Variants in ARMC3 observed in about 807,000 individuals in gnomAD.
ARMC3 encodes the protein armadillo repeat-containing protein 3.
A neutral mutation model predicts 90.3 loss-of-function variants in ARMC3; 74 were observed. The ratio of observed to expected loss-of-function variants is 0.82; its 90% CI spans 0.68 to 0.99. The LOEUF is 0.99. Ranked by LOEUF, ARMC3 falls within the 50% of genes least tolerant of loss-of-function variation. The pLI is 0.00. For missense variants in ARMC3, 958 were observed against 1,042.8 expected (o/e 0.92, Z 1.12); for synonymous variants, 334 against 361.8 (o/e 0.92, Z 0.87).
At position 23,012,703 on chromosome 10, in the gene ARMC3, C is replaced by T. The variant is rs11013238; in HGVS notation, c.2045+3772C>T. On this transcript the variant is annotated intron_variant, in intron 16 of 18. Transcript: ENST00000298032. ...ATGGAATGACCAAGACAGTCCTATC[C>T]ACTCTATGTCTTAACTCTCCTACAT... Among the ~76,000 whole-genome samples, 1,236 of 152,230 alleles carry T rather than the reference C, an allele frequency of 8.1e-3. 21 individuals carry two copies. Among genetic ancestry groups the T allele is most frequent in the African/African-American group, 0.028 (1,171 of 41,514 alleles).
chr10:22,944,615 TA>T (rs901467745), intron 2 of ARMC3, among the ~76,000 whole-genome samples: 86 of 152,162 alleles, frequency 5.7e-4, no homozygotes, highest in African/African-American at 2.0e-3. Context: ...CTTTTCAGAT[TA>T]AAAAAAACCA....
At chr10:23,010,933 T>TCCTTTCCCTCCCCTCTCCTAC (rs1837979458) in intron 16 of ARMC3, among the ~76,000 whole-genome samples, 1 of 42,030 alleles carries the variant, frequency 2.4e-5, no homozygotes. Context: ...CCCTCCCCCT[T>TCCTTTCCCTCCCCTCTCCTAC]CCTTCCTTTC....
intron 2 of ARMC3, 75 bp downstream of exon 2, chr10:22,932,119 T>C (rs1833955207): frequency 7.4e-7 from 1 of 1,345,998 alleles, no homozygotes; most frequent in Admixed American, 2.2e-5. Context: ...CAGTTTGGCA[T>C]GTACCAGTAT....
At chr10:23,010,830 C>T (rs1265178913) in intron 16 of ARMC3, among the ~76,000 whole-genome samples, 1 of 108,084 alleles carries the variant, frequency 9.3e-6, no homozygotes, top group African/African-American at 4.4e-5. Context: ...CTTGCCTCTC[C>T]TCTCCTTCCC....
At chr10:22,956,046 C>T (rs1387085100) in intron 4 of ARMC3, 114 bp downstream of exon 4, 3 of 1,041,132 alleles carry the variant, frequency 2.9e-6, no homozygotes, top group Non-Finnish European at 4.0e-6. Flanking sequence ...CTTTCATGTT[C>T]ACAAAAACAT....
chr10:23,029,160 T>C (rs987966814), intron 16 of ARMC3, among the ~76,000 whole-genome samples: 5 of 152,148 alleles, frequency 3.3e-5, no homozygotes, highest in Non-Finnish European at 7.4e-5. Context: ...AAATTAAAAC[T>C]GGGGCTTTCC....
chr10:23,001,965 C>T lies in ARMC3; in HGVS notation c.1472C>T (p.Ser491Phe). The T allele has an allele frequency of 1.2e-6, 2 of 1,613,880 alleles. No homozygotes were observed. The highest frequency in any genetic ancestry group is 1.7e-6 in the Non-Finnish European group (2 of 1,179,838). The change falls in exon 12 of 19, where the codon TCC becomes TTC. Residue 491 changes from serine to phenylalanine, a missense_variant. Physicochemically the swap from Ser to Phe is radical, Grantham distance 155. Coordinates refer to ENST00000298032, the MANE Select transcript of ARMC3 (RefSeq NM_173081.5). The part of the protein sequence containing the change: ...GLEPLVELLR[S>F]KNDEVRKHAS... ...GAGCCCCTGGTAGAGCTGCTACGCT[C>T]CAAGAATGATGAAGTGAGGAAGCAC...
At chr10:23,003,888 C>G (rs532636470) in intron 13 of ARMC3, among the ~76,000 whole-genome samples, 2 of 152,226 alleles carry the variant, frequency 1.3e-5, no homozygotes, top group African/African-American at 4.8e-5. Context: ...CAGCTCATGC[C>G]TGTAATCCCA....
chr10:22,974,926 G>A (rs1380306730), intron 8 of ARMC3, among the ~76,000 whole-genome samples: 10 of 328 alleles, frequency 0.03, no homozygotes, highest in African/African-American at 0.093. Context: ...ATAGGCATGA[G>A]CCCCACCCTG....
At chr10:22,946,353 A>T in intron 3 of ARMC3, 92 bp downstream of exon 3, 1 of 788,776 alleles carries the variant, frequency 1.3e-6, no homozygotes, top group Non-Finnish European at 2.0e-6. Context: ...TCTTTAACTT[A>T]CTTGCTGTCG....
chr10:22,977,774 C>T (rs1302790422), intron 8 of ARMC3, among the ~76,000 whole-genome samples: 1 of 152,190 alleles, frequency 6.6e-6, no homozygotes, highest in Admixed American at 6.5e-5. Flanking sequence ...TTCTTGGAAC[C>T]TCTAGAAAGA....
intron 8 of ARMC3, among the ~76,000 whole-genome samples, chr10:22,978,336 G>A (rs753765262): frequency 1.6e-4 from 24 of 152,192 alleles, no homozygotes; most frequent in Non-Finnish European, 2.4e-4. Flanking sequence ...CAGGGTGGCA[G>A]GAGAGAGTGA....
intron 3 of ARMC3, among the ~76,000 whole-genome samples, chr10:22,947,540 A>G (rs1310473371): frequency 6.6e-6 from 1 of 152,222 alleles, no homozygotes; most frequent in Middle Eastern, 3.2e-3. Context: ...ATGGCTATCT[A>G]CAACAAGCAA....
intron 10 of ARMC3, among the ~76,000 whole-genome samples, chr10:22,994,273 T>C (rs1836852628): frequency 6.6e-6 from 1 of 152,034 alleles, no homozygotes; most frequent in African/African-American, 2.4e-5. Flanking sequence ...GGAAAGAGCC[T>C]GGCATATTGA....
intron 6 of ARMC3, chr10:22,960,537 C>T (rs1296329362): frequency 5.3e-5 from 8 of 152,160 alleles, no homozygotes; most frequent in African/African-American, 7.2e-5. Flanking sequence ...TTCCCTTCTC[C>T]GGTCACTTTG....
chr10:22,949,326 T>C (rs879526505), intron 3 of ARMC3, among the ~76,000 whole-genome samples: 9 of 152,106 alleles, frequency 5.9e-5, no homozygotes, highest in African/African-American at 9.7e-5. Flanking sequence ...GTAAATCAAA[T>C]TGACCTAGAT....
intron 7 of ARMC3, among the ~76,000 whole-genome samples, chr10:22,967,348 T>C (rs1341898244): frequency 6.6e-6 from 1 of 152,024 alleles, no homozygotes; most frequent in African/African-American, 2.4e-5. Context: ...TCATCACAGG[T>C]TTTCTCCTTG....
At chr10:23,034,054 A>G (rs1839029325) in intron 18 of ARMC3, among the ~76,000 whole-genome samples, 1 of 152,190 alleles carries the variant, frequency 6.6e-6, no homozygotes, top group African/African-American at 2.4e-5. Context: ...ACATCATTGC[A>G]TTCACATGCA....
At chr10:23,027,984 A>G (rs1416071722) in intron 16 of ARMC3, among the ~76,000 whole-genome samples, 1 of 152,190 alleles carries the variant, frequency 6.6e-6, no homozygotes, top group Non-Finnish European at 1.5e-5. Flanking sequence ...TTACAAAAAA[A>G]TAAAAAAATT....
Sources: gnomAD v4.1 joint callset for allele counts (sites outside exome capture counted in the v4.1 genomes callset) on GRCh38, gnomAD v4.1.1 for gene constraint, MANE v1.5 for transcripts, NCBI Gene and HGNC (gene_info 2026-07-23, HGNC 2026-07-21) for gene names.